The following ARHGAP26 variants were observed in gnomAD, a reference collection of about 807,000 sequenced individuals.
The protein encoded by ARHGAP26 is rho GTPase-activating protein 26.
ARHGAP26 carries 38 observed loss-of-function variants against 104.8 expected under a neutral mutation model. The ratio of observed to expected loss-of-function variants is 0.36; its 90% CI spans 0.28 to 0.48. The LOEUF is 0.48. ARHGAP26 is among the 20% of genes least tolerant of loss of function. ARHGAP26 has a pLI of 0.99. For synonymous variants in ARHGAP26, 341 were observed against 340.0 expected (o/e 1.00, Z -0.03); for missense variants, 704 against 947.9 (o/e 0.74, Z 3.38).
At chr5:143,086,070 G>T (rs897744216) in intron 17 of ARHGAP26, among the ~76,000 whole-genome samples, 15 of 152,030 alleles carry the variant, frequency 9.9e-5, no homozygotes, top group Non-Finnish European at 7.4e-5. Flanking sequence ...GTTCCTTATG[G>T]TATCTGCTAA....
At chr5:142,866,168 C>G (rs887866217) in intron 1 of ARHGAP26, among the ~76,000 whole-genome samples, 3 of 152,122 alleles carry the variant, frequency 2.0e-5, no homozygotes, top group Non-Finnish European at 2.9e-5. Context: ...TTTGCACACA[C>G]AGATTAGGCC....
chr5:143,173,335 T>A (rs1372400288), intron 20 of ARHGAP26, among the ~76,000 whole-genome samples: 1 of 152,058 alleles, frequency 6.6e-6, no homozygotes, highest in Non-Finnish European at 1.5e-5. Context: ...TGCACCCGGC[T>A]CATGCTGCAT....
At chr5:143,087,438 C>T (rs1427900338) in intron 17 of ARHGAP26, among the ~76,000 whole-genome samples, 1 of 152,078 alleles carries the variant, frequency 6.6e-6, no homozygotes, top group African/African-American at 2.4e-5. Flanking sequence ...GCAGTCCCTC[C>T]TAACCCTTTT....
At chr5:142,962,768 C>T (rs1449499278) in intron 11 of ARHGAP26, among the ~76,000 whole-genome samples, 1 of 152,114 alleles carries the variant, frequency 6.6e-6, no homozygotes, top group African/African-American at 2.4e-5. Context: ...CAACTTTTTC[C>T]ACAATGAGAG....
At chr5:143,213,185 C>T (rs549930515) in intron 21 of ARHGAP26, among the ~76,000 whole-genome samples, 2 of 152,308 alleles carry the variant, frequency 1.3e-5, no homozygotes. Flanking sequence ...ATAATATCTG[C>T]ATATCTGGGT....
chr5:142,954,955 A>G (rs1768979599), intron 11 of ARHGAP26, among the ~76,000 whole-genome samples: 1 of 152,200 alleles, frequency 6.6e-6, no homozygotes, highest in African/African-American at 2.4e-5. Context: ...CAAGAGGGAA[A>G]CATCTCATTA....
chr5:142,801,028 T>G (rs1385567379), intron 1 of ARHGAP26, among the ~76,000 whole-genome samples: 1 of 152,220 alleles, frequency 6.6e-6, no homozygotes, highest in Non-Finnish European at 1.5e-5. Context: ...CCTGTACAAT[T>G]CAGTCATCAG....
intron 11 of ARHGAP26, among the ~76,000 whole-genome samples, chr5:142,966,716 T>C (rs1339350822): frequency 3.3e-5 from 5 of 152,208 alleles, no homozygotes; most frequent in Non-Finnish European, 7.3e-5. Flanking sequence ...CATTAATGAG[T>C]TATCTTTTTT....
intron 11 of ARHGAP26, among the ~76,000 whole-genome samples, chr5:142,977,469 T>A (rs1773271950): frequency 6.6e-6 from 1 of 152,190 alleles, no homozygotes; most frequent in Non-Finnish European, 1.5e-5. Flanking sequence ...TGATTTGCTT[T>A]AAAAGCACGT....
At chr5:143,155,791 T>C (rs1192309651) in intron 20 of ARHGAP26, among the ~76,000 whole-genome samples, 1 of 152,230 alleles carries the variant, frequency 6.6e-6, no homozygotes, top group African/African-American at 2.4e-5. Flanking sequence ...ATATAAAGGG[T>C]CTGTATTTTT....
chr5:142,901,469 C>G (rs183218528), intron 6 of ARHGAP26, among the ~76,000 whole-genome samples: 1 of 152,298 alleles, frequency 6.6e-6, no homozygotes, highest in East Asian at 1.9e-4. Context: ...CAGGACACCC[C>G]ACTTCCTTTT....
At chr5:142,785,458 G>A (rs1002083229) in intron 1 of ARHGAP26, among the ~76,000 whole-genome samples, 1 of 152,216 alleles carries the variant, frequency 6.6e-6, no homozygotes, top group Non-Finnish European at 1.5e-5. Context: ...TTAGGCCTCT[G>A]GTTTCACACT....
chr5:142,910,454 C>T (rs974132834), intron 9 of ARHGAP26, among the ~76,000 whole-genome samples: 8 of 152,200 alleles, frequency 5.3e-5, no homozygotes, highest in South Asian at 2.1e-4. Context: ...AAATAGAGAC[C>T]GAGGCCGGAT....
chr5:143,015,483 T>C (rs1291067023), intron 12 of ARHGAP26, among the ~76,000 whole-genome samples: 1 of 152,202 alleles, frequency 6.6e-6, no homozygotes, highest in African/African-American at 2.4e-5. Flanking sequence ...TTTCTGAACA[T>C]TGAGATTTCC....
chr5:142,958,925 A>G (rs9715951), intron 11 of ARHGAP26, among the ~76,000 whole-genome samples: 2 of 117,744 alleles, frequency 1.7e-5, no homozygotes, highest in Non-Finnish European at 3.3e-5. Flanking sequence ...AAAAAGAAAA[A>G]AAAAAAGAAA....
intron 1 of ARHGAP26, among the ~76,000 whole-genome samples, chr5:142,805,163 C>T (rs1485071407): frequency 4.1e-5 from 6 of 147,172 alleles, no homozygotes; most frequent in Admixed American, 2.7e-4. Flanking sequence ...AGTGCAGTGG[C>T]GCAATCTCGG....
intron 1 of ARHGAP26, among the ~76,000 whole-genome samples, chr5:142,808,236 GAAAAAAAAAAAAAAAAAAAAAAAA>G (rs58550799): frequency 1.0e-3 from 33 of 32,674 alleles, no homozygotes; most frequent in Non-Finnish European, 7.6e-4. Context: ...CATTGTCTCG[GAAAAAAAAAAAAAAAAAAAAAAAA>G]AAAAAAAAAA....
chr5:142,937,919 A>G (rs1332040180), intron 11 of ARHGAP26, among the ~76,000 whole-genome samples: 2 of 152,156 alleles, frequency 1.3e-5, no homozygotes, highest in African/African-American at 4.8e-5. Flanking sequence ...TAGCACAAGC[A>G]AGTCCTTCGT....
intron 17 of ARHGAP26, among the ~76,000 whole-genome samples, chr5:143,116,802 C>T (rs1259051934): frequency 6.6e-6 from 1 of 152,218 alleles, no homozygotes; most frequent in African/African-American, 2.4e-5. Flanking sequence ...ATGGAACATG[C>T]TCTTTCCTCA....
Sources: gnomAD v4.1 joint callset for allele counts (sites outside exome capture counted in the v4.1 genomes callset) on GRCh38, gnomAD v4.1.1 for gene constraint, MANE v1.5 for transcripts, NCBI Gene and HGNC (gene_info 2026-07-23, HGNC 2026-07-21) for gene names.